The following MACROD2 variants were observed in gnomAD, a reference collection of about 807,000 sequenced individuals.
The protein encoded by MACROD2 is ADP-ribose glycohydrolase MACROD2.
MACROD2 carries 36 observed loss-of-function variants against 70.4 expected under a neutral mutation model. The observed-to-expected ratio is 0.51, with a 90% CI of 0.39 to 0.68. MACROD2 has a LOEUF of 0.68. Ranked by LOEUF, MACROD2 falls within the 30% of genes least tolerant of loss-of-function variation. The pLI, the probability that MACROD2 is intolerant of heterozygous loss-of-function variation, is 0.00. For synonymous variants in MACROD2, 172 were observed against 178.8 expected (o/e 0.96, Z 0.30); for missense variants, 496 against 538.4 (o/e 0.92, Z 0.78).
intron 8 of MACROD2, among the ~76,000 whole-genome samples, chr20:15,768,801 A>G (rs8124410): frequency 0.028 from 4,300 of 152,208 alleles, 152 homozygotes; most frequent in African/African-American, 0.085. Flanking sequence ...TTTTTAAATT[A>G]TTAATTTTCA....
chr20:15,960,807 A>G (rs2066049238), intron 12 of MACROD2, among the ~76,000 whole-genome samples: 1 of 152,140 alleles, frequency 6.6e-6, no homozygotes, highest in African/African-American at 2.4e-5. Context: ...TACTGGCACC[A>G]TCGGCTCCAA....
At chr20:15,721,394 T>C (rs2050785012) in intron 8 of MACROD2, among the ~76,000 whole-genome samples, 1 of 152,190 alleles carries the variant, frequency 6.6e-6, no homozygotes. Flanking sequence ...AAGATTAACT[T>C]CCCAAATTTC....
At chr20:15,628,106 T>C (rs927617451) in intron 8 of MACROD2, among the ~76,000 whole-genome samples, 1 of 152,128 alleles carries the variant, frequency 6.6e-6, no homozygotes, top group African/African-American at 2.4e-5. Context: ...GAAGAAACTA[T>C]ATGGGAGGGA....
At chr20:14,812,198 C>G (rs1282300364) in intron 5 of MACROD2, among the ~76,000 whole-genome samples, 1 of 152,068 alleles carries the variant, frequency 6.6e-6, no homozygotes, top group Non-Finnish European at 1.5e-5. Context: ...CAATGTTGGA[C>G]TGGATAAAGA....
chr20:15,315,388 G>A (rs150502853), intron 6 of MACROD2, among the ~76,000 whole-genome samples: 143 of 152,218 alleles, frequency 9.4e-4, no homozygotes, highest in African/African-American at 3.3e-3. Context: ...GACTCACGGT[G>A]AGACACATTA....
At chr20:14,186,071 G>A (rs974959783) in intron 3 of MACROD2, among the ~76,000 whole-genome samples, 3 of 151,982 alleles carry the variant, frequency 2.0e-5, no homozygotes, top group Non-Finnish European at 4.4e-5. Flanking sequence ...TGGCCTTTTT[G>A]ATGCCCAACC....
At chr20:14,831,695 G>A (rs900443898) in intron 5 of MACROD2, among the ~76,000 whole-genome samples, 7 of 135,260 alleles carry the variant, frequency 5.2e-5, no homozygotes, top group East Asian at 4.9e-4. Context: ...CAGGAGAATC[G>A]CTTGAACCGG....
chr20:15,043,572 A>G (rs1357351410), intron 5 of MACROD2, among the ~76,000 whole-genome samples: 1 of 152,078 alleles, frequency 6.6e-6, no homozygotes, highest in Non-Finnish European at 1.5e-5. Context: ...GGGCCTTCAG[A>G]TCTTCCTTTA....
At chr20:14,274,504 T>C (rs2082231180) in intron 3 of MACROD2, among the ~76,000 whole-genome samples, 1 of 152,094 alleles carries the variant, frequency 6.6e-6, no homozygotes, top group Admixed American at 6.5e-5. Context: ...CTCAAAATAA[T>C]AAGAGCTACT....
intron 5 of MACROD2, among the ~76,000 whole-genome samples, chr20:14,835,204 C>T (rs1568823848): frequency 1.3e-5 from 2 of 151,950 alleles, no homozygotes; most frequent in African/African-American, 2.4e-5. Context: ...GCACCTTGGA[C>T]ACATGGGGGA....
At chr20:15,025,083 T>A (rs1600966897) in intron 5 of MACROD2, among the ~76,000 whole-genome samples, 1 of 152,162 alleles carries the variant, frequency 6.6e-6, no homozygotes, top group East Asian at 1.9e-4. Context: ...TTTGTTTGTT[T>A]ACACACTTAG....
chr20:15,857,849 C>T (rs2064375038), intron 8 of MACROD2, among the ~76,000 whole-genome samples: 1 of 152,148 alleles, frequency 6.6e-6, no homozygotes, highest in Non-Finnish European at 1.5e-5. Context: ...TCCGATGTCA[C>T]AGAACTAGTG....
chr20:14,864,124 A>T (rs1028518830), intron 5 of MACROD2, among the ~76,000 whole-genome samples: 1 of 152,130 alleles, frequency 6.6e-6, no homozygotes, highest in Admixed American at 6.5e-5. Flanking sequence ...TGCAAAATTT[A>T]AAAAGTTTCC....
chr20:15,950,498 T>C (rs2065888992), intron 12 of MACROD2, among the ~76,000 whole-genome samples: 2 of 152,158 alleles, frequency 1.3e-5, no homozygotes, highest in African/African-American at 4.8e-5. Flanking sequence ...GACCTGCTTC[T>C]TTAACCCTGT....
chr20:14,295,083 C>T (rs748395349), intron 3 of MACROD2, among the ~76,000 whole-genome samples: 1 of 151,752 alleles, frequency 6.6e-6, no homozygotes, highest in African/African-American at 2.4e-5. Flanking sequence ...AAGCAAATCC[C>T]AGAAATTATA....
At chr20:14,781,229 A>G (rs2072296853) in intron 5 of MACROD2, among the ~76,000 whole-genome samples, 1 of 151,956 alleles carries the variant, frequency 6.6e-6, no homozygotes, top group African/African-American at 2.4e-5. Context: ...GTAACCACCA[A>G]TCTACTCCCT....
chr20:14,680,803 A>G (rs1159441883), intron 4 of MACROD2, among the ~76,000 whole-genome samples: 2 of 152,166 alleles, frequency 1.3e-5, no homozygotes, highest in Non-Finnish European at 2.9e-5. Context: ...GACTAGATAA[A>G]ATAGAATGGA....
At chr20:14,589,772 A>G (rs1268663148) in intron 4 of MACROD2, among the ~76,000 whole-genome samples, 1 of 152,214 alleles carries the variant, frequency 6.6e-6, no homozygotes, top group Non-Finnish European at 1.5e-5. Flanking sequence ...TTTTAAATTC[A>G]GAGAGAAAAG....
intron 6 of MACROD2, among the ~76,000 whole-genome samples, chr20:15,347,692 T>C (rs1245036362): frequency 6.6e-6 from 1 of 152,182 alleles, no homozygotes; most frequent in African/African-American, 2.4e-5. Context: ...TGTAATACAG[T>C]ATAATATAAA....
Sources: gnomAD v4.1 joint callset for allele counts (sites outside exome capture counted in the v4.1 genomes callset) on GRCh38, gnomAD v4.1.1 for gene constraint, MANE v1.5 for transcripts, NCBI Gene and HGNC (gene_info 2026-07-23, HGNC 2026-07-21) for gene names.